SURF4: variants seen among roughly 807,000 people sequenced by gnomAD.
The protein encoded by SURF4 is surfeit locus protein 4.
In SURF4, 3 loss-of-function variants were observed where a neutral mutation model predicts 30.0. The ratio of observed to expected loss-of-function variants is 0.10; its 90% confidence interval spans 0.05 to 0.26. SURF4 has a LOEUF of 0.26. Among genes scored for constraint, SURF4 ranks in the 10% least tolerant of loss-of-function variants. The probability of loss-of-function intolerance (pLI) is 1.00; values close to 1 mark genes in which losing one functional copy is unlikely to be tolerated. For missense variants in SURF4, 217 were observed against 350.8 expected (o/e 0.62, Z 3.05); for synonymous variants, 143 against 139.9 (o/e 1.02, Z -0.16).
intron 1 of SURF4, 143 bp downstream of exon 1, chr9:133,375,779 G>A (rs1837873366): frequency 7.0e-6 from 6 of 857,714 alleles, no homozygotes; most frequent in African/African-American, 1.8e-5. Flanking sequence ...GGGACAGAGG[G>A]CCCGGGCGGG....
chr9:133,367,632 T>G, intron 1 of SURF4, 187 bp from the exon 2 acceptor site: 1 of 1,450,292 alleles, frequency 6.9e-7, no homozygotes, highest in Non-Finnish European at 9.1e-7. Flanking sequence ...CGCTACCCTG[T>G]GAGTCTGGAC....
intron 1 of SURF4, among the ~76,000 whole-genome samples, chr9:133,367,901 C>T (rs2130151178): frequency 3.0e-4 from 46 of 152,260 alleles, no homozygotes; most frequent in African/African-American, 1.1e-3. Context: ...CGTTTCTGCA[C>T]CTCAGCACTA....
At chr9:133,372,707 G>A (rs2130199359) in intron 1 of SURF4, 1 of 888,504 alleles carries the variant, frequency 1.1e-6, no homozygotes, top group Non-Finnish European at 1.3e-6. Context: ...GACTTCCATG[G>A]TAATCCTCTA....
Position 133,363,658 on chromosome 9 carries a change from G to C in SURF4, c.645C>G (p.Ile215Met). The C allele has an allele frequency of 6.2e-7, 1 of 1,614,208 alleles. No homozygotes were observed. Among genetic ancestry groups the C allele is most frequent in the Non-Finnish European group, 8.5e-7 (1 of 1,180,034 alleles). The change falls in exon 6 of 6, where the codon ATC (isoleucine) becomes ATG (methionine). Residue 215 changes from isoleucine (I) to methionine (M), a missense_variant. By Grantham distance (10) the Ile-to-Met change is conservative. Coordinates refer to ENST00000371989, the MANE Select transcript of SURF4 (RefSeq NM_033161.4). The surrounding 1 kb of genome is among the most constrained non-coding windows in gnomAD (Gnocchi z 4.3). ...TCCAGAAGGCGTTGAAATATACGTTGATGGCAAAGAGCCACACAACAAGAG... is the reference window on the plus strand; with the variant it reads ...TCCAGAAGGCGTTGAAATATACGTTCATGGCAAAGAGCCACACAACAAGAG... The part of the protein sequence containing the change: ...ALTLVVWLFA[I>M]NVYFNAFWTI...
intron 1 of SURF4, among the ~76,000 whole-genome samples, chr9:133,367,828 G>A (rs146850817): frequency 2.8e-4 from 42 of 152,354 alleles, no homozygotes; most frequent in Non-Finnish European, 4.7e-4. Flanking sequence ...TTCGGTCAAA[G>A]GCATTTACAA....
chr9:133,373,716 G>C (rs1226179774), intron 1 of SURF4, among the ~76,000 whole-genome samples: 1 of 151,212 alleles, frequency 6.6e-6, no homozygotes, highest in African/African-American at 2.4e-5. Context: ...TCGGGAGTTC[G>C]AAACCAGCCT....
chr9:133,376,371 C>T, upstream of SURF4: 1 of 1,405,780 alleles, frequency 7.1e-7, no homozygotes, highest in South Asian at 1.4e-5. Flanking sequence ...CGCCTGAGTG[C>T]CTCGAGGGCG....
intron 1 of SURF4, among the ~76,000 whole-genome samples, chr9:133,375,651 C>T (rs1049421235): frequency 6.6e-6 from 1 of 152,140 alleles, no homozygotes; most frequent in African/African-American, 2.4e-5. Context: ...GCCCGCGCCC[C>T]GGGCTGGCTG....
upstream of SURF4, chr9:133,376,327 G>T (rs954816715): frequency 2.2e-6 from 3 of 1,367,288 alleles, no homozygotes; most frequent in African/African-American, 1.5e-5. Context: ...AGGGGGCGGG[G>T]ACCTGGGGGT....
At chr9:133,374,233 C>G (rs969283700) in intron 1 of SURF4, among the ~76,000 whole-genome samples, 1 of 152,058 alleles carries the variant, frequency 6.6e-6, no homozygotes, top group Non-Finnish European at 1.5e-5. Flanking sequence ...TTCTTGAGAG[C>G]TTTTGATATG....
intron 1 of SURF4, 78 bp from the exon 2 acceptor site, chr9:133,367,523 G>A (rs2130144748): frequency 1.6e-5 from 26 of 1,595,222 alleles, no homozygotes; most frequent in African/African-American, 1.3e-4. Flanking sequence ...GTCCTTGGGC[G>A]GGGTGTGTGA....
Position 133,361,912 on chromosome 9 carries a change from ACT to A in SURF4, c.*1579_*1580del, listed in dbSNP as rs1168280477. The A allele has an allele frequency of 6.6e-6, 1 of 152,284 alleles. No homozygotes were observed. Among genetic ancestry groups the A allele is most frequent in the Admixed American group, 6.5e-5 (1 of 15,288 alleles). 9.4% of individuals were successfully genotyped at this position (152,284 alleles called of 1,614,324 possible). ...GAGACAGCCCTGGTGAGGTTGAAAC[ACT>A]GAGACAAGCCAGTCTTCATGCAGTG... On this transcript the variant is annotated 3_prime_UTR_variant, in exon 6 of 6. Transcript: ENST00000371989.
At chr9:133,376,663 G>A (rs1837967663), upstream of SURF4, 2 of 1,042,174 alleles carry the variant, frequency 1.9e-6, no homozygotes, top group Non-Finnish European at 2.7e-6. Flanking sequence ...AGGGGCCCGC[G>A]CCCTGGCCAG....
rs2130084527 is a variant in SURF4 at position 133,363,352 on chromosome 9, A to G, written c.*141T>C. Reference sequence around the variant, plus strand: ...TCGATTCTCAGGTGTCTCTGCAAATAAAGTTCTCAAAACATCTGTGCCTTT... The same window carrying G: ...TCGATTCTCAGGTGTCTCTGCAAATGAAGTTCTCAAAACATCTGTGCCTTT... On this transcript the variant is annotated 3_prime_UTR_variant, in exon 6 of 6. Transcript: ENST00000371989. The surrounding 1 kb of genome is among the most constrained non-coding windows in gnomAD (Gnocchi z 4.3). The G allele has an allele frequency of 1.5e-6, 2 of 1,356,558 alleles. No homozygotes were observed. The highest frequency in any genetic ancestry group is 1.9e-5 in the Admixed American group (1 of 51,324). 84.0% of individuals were successfully genotyped at this position (1,356,558 alleles called of 1,614,324 possible). A position where few individuals can be genotyped will look rare whatever the true frequency, so the allele number is the denominator to read the frequency against.
rs1007751019 is a variant in SURF4 at position 133,367,386 on chromosome 9, G to A, written c.108C>T (p.Thr36=). The stretch of plus-strand genomic sequence containing the variant: ...ACATACGGATGCCGTCCTCCAGGAA[G>A]GTGCTGATCAGACAGAGGCGCGCCA... ...PHVARLCLIS[T]FLEDGIRMWF... Residue 36 remains threonine (T), a synonymous_variant, in exon 2 of 6, where the codon ACC becomes ACT. Transcript: ENST00000371989. 1 of 1,614,194 alleles carries A rather than the reference G, an allele frequency of 6.2e-7. No individual in the cohort carries two copies. Among genetic ancestry groups the A allele is most frequent in the Non-Finnish European group, 8.5e-7 (1 of 1,180,058 alleles).
chr9:133,372,109 T>C (rs2130194385), intron 1 of SURF4, among the ~76,000 whole-genome samples: 3 of 152,256 alleles, frequency 2.0e-5, no homozygotes, highest in African/African-American at 7.2e-5. Flanking sequence ...CATTAGTTTC[T>C]GGACCCTTCC....
At position 133,362,017 on chromosome 9, in the gene SURF4, G is replaced by A. The variant is rs1376111203; in HGVS notation, c.*1476C>T. On this transcript the variant is annotated 3_prime_UTR_variant, in exon 6 of 6. Transcript: ENST00000371989. ...GATCTTACCAATATTCGGGGGTAAG[G>A]AAGTAGGCTACCAGGGGAATATTTG... is the stretch of plus-strand genomic sequence containing the variant. 2 of 152,264 alleles carry A rather than the reference G, an allele frequency of 1.3e-5. No individual in the cohort carries two copies. Among genetic ancestry groups the A allele is most frequent in the Non-Finnish European group, 1.5e-5 (1 of 68,052 alleles). The allele number at this position is 152,264 out of a possible 1,614,324, so 9.4% of individuals were successfully genotyped here. A position where few individuals can be genotyped will look rare whatever the true frequency, so the allele number is the denominator to read the frequency against.
chr9:133,376,680 C>T, upstream of SURF4: 1 of 836,342 alleles, frequency 1.2e-6, no homozygotes, highest in Non-Finnish European at 1.8e-6. Flanking sequence ...CCAGTGTCGG[C>T]CTGCAGCTCC....
At position 133,367,345 on chromosome 9, in the gene SURF4, T is replaced by A. The variant is rs1264389804; in HGVS notation, c.149A>T (p.Glu50Val). The A allele has an allele frequency of 6.2e-6, 10 of 1,614,114 alleles. No homozygotes were observed. The highest frequency in any genetic ancestry group is 8.5e-6 in the Non-Finnish European group (10 of 1,180,064). Reference protein sequence around the residue: ...DGIRMWFQWSEQRDYIDTTWN... With the variant: ...DGIRMWFQWSVQRDYIDTTWN... ...GGTGGTGTCGATGTAGTCGCGCTGC[T>A]CGCTCCACTGGAACCACATACGGAT... The change falls in exon 2 of 6, where the codon GAG (glutamate) becomes GTG (valine). Residue 50 changes from glutamate (E) to valine (V), a missense_variant. By Grantham distance (121) the Glu-to-Val change is moderately radical. Transcript: ENST00000371989.
Sources: gnomAD v4.1 joint callset for allele counts (sites outside exome capture counted in the v4.1 genomes callset) on GRCh38, gnomAD v4.1.1 for gene constraint, Gnocchi (gnomAD v3.1) non-coding constraint, MANE v1.5 for transcripts, NCBI Gene and HGNC (gene_info 2026-07-23, HGNC 2026-07-21) for gene names.